The following PPFIBP1 variants were observed in gnomAD, a reference collection of about 807,000 sequenced individuals.
PPFIBP1 encodes PPFIB scaffold protein 1.
PPFIBP1 carries 112 observed loss-of-function variants against 137.8 expected under a neutral mutation model. The ratio of observed to expected loss-of-function variants is 0.81; its 90% CI spans 0.70 to 0.95. The LOEUF is 0.95. PPFIBP1 is among the 40% of genes least tolerant of loss of function. PPFIBP1 has a pLI of 0.00. For missense variants in PPFIBP1, 1,083 were observed against 1,196.6 expected (o/e 0.91, Z 1.40); for synonymous variants, 378 against 417.3 (o/e 0.91, Z 1.15).
intron 2 of PPFIBP1, among the ~76,000 whole-genome samples, chr12:27,619,781 A>G (rs1353032921): frequency 7.9e-5 from 12 of 152,198 alleles, no homozygotes; most frequent in African/African-American, 2.9e-4. Flanking sequence ...TTGTCAGAAC[A>G]CATCAAACTG....
chr12:27,615,706 C>A (rs531223494), intron 2 of PPFIBP1, among the ~76,000 whole-genome samples: 4 of 152,278 alleles, frequency 2.6e-5, no homozygotes, highest in African/African-American at 9.6e-5. Context: ...GCAATATGCT[C>A]TGTAACATCT....
Position 27,667,326 on chromosome 12 carries a change from A to G in PPFIBP1, c.1146+6A>G. 6.3e-7 allele frequency: 1 copy of G among 1,583,284 alleles called. No homozygotes were observed. The highest frequency in any genetic ancestry group is 8.6e-7 in the Non-Finnish European group (1 of 1,165,896). On this transcript the variant is annotated splice_donor_region_variant and intron_variant, in intron 13 of 29. Coordinates refer to ENST00000228425, the MANE Select transcript of PPFIBP1 (RefSeq NM_003622.4). ...ACACAAGTGTTCCCGAAGAGGTATT[A>G]ATAGACTTTCAGTATTTCCTTTATG...
At chr12:27,629,879 C>G (rs1441549222) in intron 2 of PPFIBP1, among the ~76,000 whole-genome samples, 1 of 152,150 alleles carries the variant, frequency 6.6e-6, no homozygotes, top group East Asian at 1.9e-4. Flanking sequence ...TTCACCACTT[C>G]AGGTTGTGTG....
intron 4 of PPFIBP1, among the ~76,000 whole-genome samples, chr12:27,641,341 A>G (rs2058091798): frequency 3.3e-5 from 5 of 152,208 alleles, no homozygotes; most frequent in South Asian, 2.1e-4. Flanking sequence ...AGAACAAAGC[A>G]AAACAAAGGG....
chr12:27,649,733 T>C (rs950356691), intron 6 of PPFIBP1, among the ~76,000 whole-genome samples: 3 of 152,104 alleles, frequency 2.0e-5, no homozygotes, highest in Non-Finnish European at 4.4e-5. Context: ...GTATTTTTAG[T>C]AGAGACAGGG....
chr12:27,566,866 TGAG>T (rs1473667747), intron 1 of PPFIBP1, among the ~76,000 whole-genome samples: 1 of 152,152 alleles, frequency 6.6e-6, no homozygotes, highest in African/African-American at 2.4e-5. Context: ...AAAAGGGAGT[TGAG>T]GAGGGAAAGA....
chr12:27,554,741 T>A (rs941387710), intron 1 of PPFIBP1, among the ~76,000 whole-genome samples: 10 of 152,134 alleles, frequency 6.6e-5, no homozygotes, highest in African/African-American at 2.4e-4. Flanking sequence ...GGTTCCTTTG[T>A]GCACGTTGTC....
At chr12:27,655,859 A>AGCATT (rs1333432640) in intron 8 of PPFIBP1, among the ~76,000 whole-genome samples, 1 of 152,242 alleles carries the variant, frequency 6.6e-6, no homozygotes, top group Admixed American at 6.5e-5. Context: ...TGTACTTCTT[A>AGCATT]GCATTGCATA....
intron 1 of PPFIBP1, among the ~76,000 whole-genome samples, chr12:27,563,958 C>T (rs1278639454): frequency 3.3e-5 from 5 of 151,800 alleles, no homozygotes; most frequent in Non-Finnish European, 4.4e-5. Context: ...CTGCAACCCC[C>T]GCCTCCTGTG....
intron 1 of PPFIBP1, among the ~76,000 whole-genome samples, chr12:27,545,907 G>A (rs1012821307): frequency 2.6e-5 from 4 of 152,200 alleles, no homozygotes; most frequent in Non-Finnish European, 2.9e-5. Flanking sequence ...TGTTGGACAC[G>A]GTAGTCGTAT....
chr12:27,660,911 C>T lies in PPFIBP1; in HGVS notation c.872C>T (p.Ala291Val). ...ATCGAAGTACAAAAAATGAAAAAAG[C>T]TGTGGAGTCCTTGATGGCAGCAAAT... ...KNIEVQKMKK[A>V]VESLMAANEE... is the part of the protein sequence containing the mutation. Residue 291 changes from alanine to valine, a missense_variant, in exon 11 of 30, where the codon GCT (alanine) becomes GTT (valine). Ala to Val is a moderately conservative substitution (Grantham distance 64). Coordinates refer to ENST00000228425, the MANE Select transcript of PPFIBP1 (RefSeq NM_003622.4). 6.2e-7 allele frequency: 1 copy of T among 1,613,356 alleles called. No individual in the cohort carries two copies. Among genetic ancestry groups the T allele is most frequent in the Non-Finnish European group, 8.5e-7 (1 of 1,179,694 alleles).
intron 1 of PPFIBP1, among the ~76,000 whole-genome samples, chr12:27,539,793 G>T (rs942224561): frequency 1.3e-5 from 2 of 152,074 alleles, no homozygotes; most frequent in African/African-American, 2.4e-5. Flanking sequence ...TAAAAAAAAG[G>T]CATCAGTAAT....
chr12:27,602,352 T>C (rs2054087969), intron 2 of PPFIBP1, among the ~76,000 whole-genome samples: 1 of 152,240 alleles, frequency 6.6e-6, no homozygotes, highest in Non-Finnish European at 1.5e-5. Flanking sequence ...CATGTATGCA[T>C]ACATTGTGAA....
intron 2 of PPFIBP1, among the ~76,000 whole-genome samples, chr12:27,602,933 C>T (rs2054147878): frequency 6.6e-6 from 1 of 152,126 alleles, no homozygotes; most frequent in African/African-American, 2.4e-5. Context: ...TTGAATTCTC[C>T]AATATGCTGT....
intron 4 of PPFIBP1, chr12:27,636,779 C>T (rs563480658): frequency 2.6e-5 from 4 of 152,354 alleles, no homozygotes; most frequent in Admixed American, 6.5e-5. Context: ...TGCAAGGCCT[C>T]GTAGGATTTG....
At chr12:27,605,705 A>C (rs889244104) in intron 2 of PPFIBP1, among the ~76,000 whole-genome samples, 3 of 152,168 alleles carry the variant, frequency 2.0e-5, no homozygotes, top group Non-Finnish European at 4.4e-5. Flanking sequence ...GGGCCACACA[A>C]TTCAACGCAG....
chr12:27,626,608 C>A (rs1387657919), intron 2 of PPFIBP1, among the ~76,000 whole-genome samples: 1 of 152,006 alleles, frequency 6.6e-6, no homozygotes, highest in African/African-American at 2.4e-5. Flanking sequence ...ACTCTATCGC[C>A]CAGGCTGGAG....
At chr12:27,557,674 G>A (rs2048814515) in intron 1 of PPFIBP1, among the ~76,000 whole-genome samples, 1 of 152,138 alleles carries the variant, frequency 6.6e-6, no homozygotes, top group Non-Finnish European at 1.5e-5. Flanking sequence ...TCTGTCTTTT[G>A]AACATCAGCT....
At chr12:27,545,049 C>A (rs1366846183) in intron 1 of PPFIBP1, among the ~76,000 whole-genome samples, 1 of 152,146 alleles carries the variant, frequency 6.6e-6, no homozygotes, top group Non-Finnish European at 1.5e-5. Context: ...GAATACTATG[C>A]AGCCATAAAA....
Sources: allele counts gnomAD v4.1 joint callset (sites outside exome capture counted in the v4.1 genomes callset), GRCh38; gene constraint gnomAD v4.1.1; transcripts MANE v1.5; gene names NCBI Gene and HGNC (gene_info 2026-07-23, HGNC 2026-07-21).